The following POT1 variants were observed in gnomAD, a reference collection of about 807,000 sequenced individuals.
POT1 encodes protection of telomeres protein 1.
POT1 carries 47 observed loss-of-function variants against 78.5 expected under a neutral mutation model. The ratio of observed to expected loss-of-function variants is 0.60; its 90% CI spans 0.47 to 0.76. The LOEUF is 0.76. Among genes scored for constraint, POT1 ranks in the 30% least tolerant of loss-of-function variants. POT1 has a pLI of 0.00. For missense variants in POT1, 646 were observed against 749.9 expected, an observed-to-expected ratio of 0.86 and a Z score of 1.62; for synonymous variants, 259 against 260.7, an observed-to-expected ratio of 0.99 and a Z score of 0.06.
At position 124,847,002 on chromosome 7, in the gene POT1, TA is replaced by T; in HGVS notation, c.950-5del. 6.2e-7 allele frequency: 1 copy of T among 1,601,038 alleles called. No individual in the cohort carries two copies. The highest frequency in any genetic ancestry group is 8.6e-7 in the Non-Finnish European group (1 of 1,169,444). ...TATAATGATACTGATCCAGAGCCTATAAAAAGGAAAAGGCAAAAAAATTAAG... is the reference window on the plus strand; with the variant it reads ...TATAATGATACTGATCCAGAGCCTATAAAAGGAAAAGGCAAAAAAATTAAG... On this transcript the variant is annotated splice_polypyrimidine_tract_variant and splice_region_variant and intron_variant, in intron 11 of 18. Transcript: ENST00000357628.
intron 2 of POT1, among the ~76,000 whole-genome samples, chr7:124,919,961 G>A (rs868696290): frequency 3.8e-4 from 55 of 143,856 alleles, no homozygotes; most frequent in African/African-American, 1.3e-3. Context: ...TCCCTGCTGT[G>A]CCAATAAGTA....
chr7:124,928,428 T>C (rs1410317296), intron 2 of POT1, among the ~76,000 whole-genome samples: 1 of 152,208 alleles, frequency 6.6e-6, no homozygotes, highest in African/African-American at 2.4e-5. Context: ...TGTTATCCCG[T>C]AAGTTCCAGC....
chr7:124,902,559 CA>C, intron 3 of POT1, among the ~76,000 whole-genome samples: 1 of 152,240 alleles, frequency 6.6e-6, no homozygotes, highest in Non-Finnish European at 1.5e-5. Context: ...TGGTACCAGC[CA>C]ATGCAAAAAC....
chr7:124,923,192 A>G (rs1797193525), intron 2 of POT1, among the ~76,000 whole-genome samples: 1 of 151,940 alleles, frequency 6.6e-6, no homozygotes, highest in Admixed American at 6.6e-5. Context: ...TCGAAATGCC[A>G]GATAAAGAAT....
At position 124,862,137 on chromosome 7, in the gene POT1, A is replaced by C. The variant is rs112678995; in HGVS notation, c.546+1213T>G. On this transcript the variant is annotated intron_variant, in intron 8 of 18. Coordinates refer to ENST00000357628, the MANE Select transcript of POT1 (RefSeq NM_015450.3). ...TATTTTAAACTAACAGTTACGTGAC[A>C]GTGGTTTTCACTTGTCCAAAAAAGT... Among the ~76,000 whole-genome samples the C allele has an allele frequency of 7.7e-3, 1,171 of 152,180 alleles. 23 individuals carry two copies. The highest frequency in any genetic ancestry group is 0.026 in the African/African-American group (1,097 of 41,520).
At chr7:124,828,024 C>T (rs922868201) in intron 16 of POT1, among the ~76,000 whole-genome samples, 3 of 152,112 alleles carry the variant, frequency 2.0e-5, no homozygotes, top group South Asian at 4.2e-4. Context: ...CAGAGTAAGG[C>T]TCTGTCTCAA....
chr7:124,916,121 T>C (rs1797008816), intron 2 of POT1, among the ~76,000 whole-genome samples: 1 of 152,144 alleles, frequency 6.6e-6, no homozygotes, highest in African/African-American at 2.4e-5. Context: ...ACCAGCTCTG[T>C]CAGTTTAAAA....
chr7:124,929,426 C>T (rs1797353553), intron 1 of POT1: 1 of 152,136 alleles, frequency 6.6e-6, no homozygotes, highest in African/African-American at 2.4e-5. Context: ...CCTTCACCCG[C>T]TAAATAAATG....
rs11322299 is a variant in POT1 at position 124,848,667 on chromosome 7, GAA to G, written c.950-1671_950-1670del. 934 of 109,912 alleles carry G rather than the reference GAA, an allele frequency of 8.5e-3. 3 individuals are homozygous for G. The Middle Eastern group carries it at 0.087, about 10-fold the overall frequency. 6.8% of individuals were successfully genotyped at this position (109,912 alleles called of 1,614,324 possible). A position where few individuals can be genotyped will look rare whatever the true frequency, so the allele number is the denominator to read the frequency against. On this transcript the variant is annotated intron_variant, in intron 11 of 18. Coordinates refer to ENST00000357628, the MANE Select transcript of POT1 (RefSeq NM_015450.3). ...GACGAAGCGAGACTCCATCTCAAAA[GAA>G]AAAAAAAAAAAAAAAAGAGATATGT...
At chr7:124,920,037 T>C (rs1291438688) in intron 2 of POT1, among the ~76,000 whole-genome samples, 3 of 148,642 alleles carry the variant, frequency 2.0e-5, no homozygotes, top group African/African-American at 5.0e-5. Context: ...AAGTGTAGCA[T>C]GCCAACCTAT....
In POT1 at chr7:124,854,356, G is replaced by A. The variant is rs10156168; in HGVS notation, c.703-1218C>T. Among the ~76,000 whole-genome samples the A allele has an allele frequency of 1.3e-5, 2 of 151,672 alleles. No individual in the cohort carries two copies. Among genetic ancestry groups the A allele is most frequent in the African/African-American group, 2.4e-5 (1 of 41,416 alleles). ...TAATTGGAAAGCAAAGGGTTCACTC[G>A]CATACTGGCACTCAAAAAGATCTGC... On this transcript the variant is annotated intron_variant, in intron 9 of 18. Transcript: ENST00000357628.
chr7:124,863,212 C>T, intron 8 of POT1, 138 bp downstream of exon 8: 1 of 778,018 alleles, frequency 1.3e-6, no homozygotes, highest in Non-Finnish European at 2.0e-6. Flanking sequence ...AATATTGAGG[C>T]TCGTCAAAAA....
At chr7:124,883,012 G>A (rs1410040789) in intron 6 of POT1, among the ~76,000 whole-genome samples, 1 of 151,950 alleles carries the variant, frequency 6.6e-6, no homozygotes, top group East Asian at 1.9e-4. Flanking sequence ...GCTGAAGAGG[G>A]GAGGCTTGTC....
chr7:124,918,718 T>C (rs1320462259), intron 2 of POT1, among the ~76,000 whole-genome samples: 1 of 152,124 alleles, frequency 6.6e-6, no homozygotes, highest in Non-Finnish European at 1.5e-5. Flanking sequence ...ATGTTTACAA[T>C]TCAACAGATG....
chr7:124,825,971 T>A (rs1051029445), intron 17 of POT1, among the ~76,000 whole-genome samples: 4 of 152,194 alleles, frequency 2.6e-5, no homozygotes, highest in Admixed American at 1.3e-4. Flanking sequence ...TGACCTTAGC[T>A]TGTGGAACGT....
rs143841721 is a variant in POT1 at position 124,841,125 on chromosome 7, G to A, written c.1217C>T (p.Thr406Ile). 6.2e-6 allele frequency: 10 copies of A among 1,612,666 alleles called. No individual in the cohort carries two copies. In the African/African-American group the frequency reaches 1.2e-4, roughly 19 times the overall value. The part of the protein sequence containing the change: ...DLDIIFQDGA[T>I]KTPDVKLQNT... ...TTGTAGCTTGACATCTGGGGTTTTA[G>A]TTGCACCATCCTGAAAAATTATATC... Residue 406 changes from threonine to isoleucine, a missense_variant, in exon 14 of 19, where the codon ACT becomes ATT. By Grantham distance (89) the Thr-to-Ile change is moderately conservative. Transcript: ENST00000357628.
At chr7:124,833,381 T>C (rs1264798895) in intron 15 of POT1, among the ~76,000 whole-genome samples, 1 of 152,186 alleles carries the variant, frequency 6.6e-6, no homozygotes, top group African/African-American at 2.4e-5. Context: ...ATTATGACAA[T>C]GACTACTAAT....
intron 6 of POT1, among the ~76,000 whole-genome samples, chr7:124,879,345 T>A (rs78297463): frequency 6.6e-6 from 1 of 151,966 alleles, no homozygotes; most frequent in African/African-American, 2.4e-5. Context: ...TCAGCAGAAA[T>A]CAGTGACCTT....
intron 4 of POT1, among the ~76,000 whole-genome samples, chr7:124,897,784 A>G (rs566375691): frequency 6.6e-6 from 1 of 152,076 alleles, no homozygotes; most frequent in African/African-American, 2.4e-5. Flanking sequence ...CTTTTGGCTT[A>G]GCCCAATTCT....
Sources: gnomAD v4.1 joint callset for allele counts (sites outside exome capture counted in the v4.1 genomes callset) on GRCh38, gnomAD v4.1.1 for gene constraint, MANE v1.5 for transcripts, NCBI Gene and HGNC (gene_info 2026-07-23, HGNC 2026-07-21) for gene names.